ADGRL3: variants seen among roughly 807,000 people sequenced by gnomAD.
The protein encoded by ADGRL3 is calcium-independent alpha-latrotoxin receptor 3.
Under a neutral mutation model 153.5 loss-of-function variants are expected in ADGRL3, and 62 were observed. The observed-to-expected ratio is 0.40, with a 90% CI of 0.33 to 0.50. ADGRL3 has a LOEUF of 0.50. Among genes scored for constraint, ADGRL3 ranks in the 20% least tolerant of loss-of-function variants. The pLI, the probability that ADGRL3 is intolerant of heterozygous loss-of-function variation, is 0.47. For synonymous variants in ADGRL3, 710 were observed against 672.5 expected (o/e 1.06, Z -0.86); for missense variants, 1,641 against 1,859.4 (o/e 0.88, Z 2.16).
At chr4:62,007,175 C>T (rs1463539136) in intron 21 of ADGRL3, among the ~76,000 whole-genome samples, 1 of 150,896 alleles carries the variant, frequency 6.6e-6, no homozygotes, top group Non-Finnish European at 1.5e-5. Flanking sequence ...TCCTCATGGG[C>T]TTGTCTCCCA....
chr4:61,396,743 T>C (rs2096872862), intron 2 of ADGRL3, among the ~76,000 whole-genome samples: 1 of 151,958 alleles, frequency 6.6e-6, no homozygotes, highest in Non-Finnish European at 1.5e-5. Flanking sequence ...AAATTTACTA[T>C]AAATCTACTT....
At chr4:62,011,500 A>G (rs546015221) in intron 21 of ADGRL3, among the ~76,000 whole-genome samples, 2 of 152,092 alleles carry the variant, frequency 1.3e-5, no homozygotes, top group African/African-American at 2.4e-5. Flanking sequence ...TCTCTGGGGT[A>G]AGTGTCTTAT....
intron 21 of ADGRL3, among the ~76,000 whole-genome samples, chr4:62,022,171 A>G (rs1037542868): frequency 1.3e-4 from 20 of 152,174 alleles, no homozygotes; most frequent in African/African-American, 4.8e-4. Flanking sequence ...TTATTGCCTC[A>G]AAAGTTTTAG....
At chr4:61,876,608 T>G (rs1208358956) in intron 9 of ADGRL3, among the ~76,000 whole-genome samples, 2 of 151,910 alleles carry the variant, frequency 1.3e-5, no homozygotes, top group African/African-American at 4.8e-5. Flanking sequence ...AGTGATATAA[T>G]TAAGTAAACG....
chr4:61,951,055 A>AT (rs987469365), intron 17 of ADGRL3, among the ~76,000 whole-genome samples: 30 of 151,984 alleles, frequency 2.0e-4, no homozygotes, highest in African/African-American at 7.2e-4. Flanking sequence ...ATAAAATTTT[A>AT]TTTTTTATTT....
rs2097771294 is a variant in ADGRL3, at chr4:61,457,871, T to TAGAG, written c.-173-39247_-173-39246insGAGA. On this transcript the variant is annotated intron_variant, in intron 2 of 26. Transcript: ENST00000683033. ...GATGACAGATAGATAGATAGATAGA[T>TAGAG]AGATAGATAGATAGATAGATAGATA... is the stretch of plus-strand genomic sequence containing the variant. Among the ~76,000 whole-genome samples, 8 of 151,578 alleles carry TAGAG rather than the reference T, an allele frequency of 5.3e-5. 1 individual carries two copies. Among genetic ancestry groups the TAGAG allele is most frequent in the African/African-American group, 1.9e-4 (8 of 41,368 alleles).
At chr4:61,741,519 T>C (rs972913601) in intron 8 of ADGRL3, among the ~76,000 whole-genome samples, 2 of 152,206 alleles carry the variant, frequency 1.3e-5, no homozygotes, top group Non-Finnish European at 2.9e-5. Context: ...CTGAAGGACA[T>C]TGCTGCTGCT....
At chr4:61,484,391 C>G (rs2098166925) in intron 2 of ADGRL3, among the ~76,000 whole-genome samples, 2 of 152,298 alleles carry the variant, frequency 1.3e-5, no homozygotes, top group African/African-American at 2.4e-5. Flanking sequence ...CTAATACTTT[C>G]CTTAGTTAGG....
At chr4:61,907,269 G>T (rs1453236887) in intron 11 of ADGRL3, among the ~76,000 whole-genome samples, 2 of 151,840 alleles carry the variant, frequency 1.3e-5, no homozygotes, top group African/African-American at 4.8e-5. Flanking sequence ...TATTTAGTTA[G>T]TTAGTTTTTG....
At chr4:61,602,223 C>T (rs2099015062) in intron 5 of ADGRL3, among the ~76,000 whole-genome samples, 3 of 152,202 alleles carry the variant, frequency 2.0e-5, no homozygotes, top group African/African-American at 7.2e-5. Context: ...AGTTTCAAGA[C>T]TCAGTAAGTC....
At chr4:61,880,912 C>T (rs371870122) in intron 9 of ADGRL3, among the ~76,000 whole-genome samples, 21 of 152,210 alleles carry the variant, frequency 1.4e-4, no homozygotes, top group South Asian at 1.2e-3. Context: ...ATTGAAGAGT[C>T]AAGCTTTAAC....
rs150182914 is a variant in ADGRL3 at position 61,555,411 on chromosome 4, CAT to C, written c.260-31815_260-31814del. Among the ~76,000 whole-genome samples, 966 of 152,324 alleles carry C rather than the reference CAT, an allele frequency of 6.3e-3. 14 individuals are homozygous for C. Among genetic ancestry groups the C allele is most frequent in the African/African-American group, 0.022 (913 of 41,580 alleles). ...TTTCTCTTTGTGAGTGCAAATAACA[CAT>C]GAGGCTCTTTAGAAAATAAAGCCAG... On this transcript the variant is annotated intron_variant, in intron 4 of 26. Transcript: ENST00000683033.
At chr4:62,000,237 G>T (rs891108813) in intron 21 of ADGRL3, among the ~76,000 whole-genome samples, 4 of 151,270 alleles carry the variant, frequency 2.6e-5, no homozygotes, top group African/African-American at 9.7e-5. Context: ...ATCATTCTTT[G>T]TCCTATATTT....
chr4:61,495,318 C>T (rs759448625), intron 2 of ADGRL3, among the ~76,000 whole-genome samples: 71 of 151,932 alleles, frequency 4.7e-4, no homozygotes, highest in Non-Finnish European at 8.4e-4. Flanking sequence ...TTAATACATT[C>T]ATCAGTAAAC....
intron 9 of ADGRL3, among the ~76,000 whole-genome samples, chr4:61,859,148 G>C (rs1255859826): frequency 6.6e-6 from 1 of 152,128 alleles, no homozygotes; most frequent in Non-Finnish European, 1.5e-5. Context: ...AGTGCTTGGT[G>C]TAATTGTACC....
intron 4 of ADGRL3, among the ~76,000 whole-genome samples, chr4:61,544,144 G>A (rs1477729021): frequency 6.6e-6 from 1 of 152,092 alleles, no homozygotes. Context: ...CTTTACTATT[G>A]AGCAACATTG....
At chr4:61,341,920 A>G (rs774957979) in intron 1 of ADGRL3, among the ~76,000 whole-genome samples, 1 of 152,178 alleles carries the variant, frequency 6.6e-6, no homozygotes, top group East Asian at 1.9e-4. Context: ...TTTGTTAAAT[A>G]TTGCCAAAAT....
At chr4:61,492,823 A>T (rs1441213179) in intron 2 of ADGRL3, among the ~76,000 whole-genome samples, 1 of 152,124 alleles carries the variant, frequency 6.6e-6, no homozygotes, top group African/African-American at 2.4e-5. Flanking sequence ...ATTTCTTTCC[A>T]TACTGTATTC....
intron 5 of ADGRL3, among the ~76,000 whole-genome samples, chr4:61,656,694 G>A (rs2094451292): frequency 6.6e-6 from 1 of 152,124 alleles, no homozygotes; most frequent in Admixed American, 6.6e-5. Flanking sequence ...TTCTGAGACT[G>A]GGTCACTACT....
Sources: allele counts gnomAD v4.1 joint callset (sites outside exome capture counted in the v4.1 genomes callset), GRCh38; gene constraint gnomAD v4.1.1; transcripts MANE v1.5; gene names NCBI Gene and HGNC (gene_info 2026-07-23, HGNC 2026-07-21).